Variants in PCDHA12 observed in about 807,000 individuals in gnomAD.
PCDHA12 encodes the protein protocadherin alpha 12.
A neutral mutation model predicts 60.0 loss-of-function variants in PCDHA12; 44 were observed. The observed-to-expected ratio is 0.73, with a 90% CI of 0.58 to 0.94. The LOEUF (loss-of-function observed/expected upper bound fraction) is 0.94, where lower values mean the gene tolerates loss of function less well. PCDHA12 is among the 40% of genes least tolerant of loss of function. The probability of loss-of-function intolerance (pLI) is 0.00; values close to 1 mark genes in which losing one functional copy is unlikely to be tolerated. For missense variants in PCDHA12, 1,276 were observed against 1,239.7 expected (o/e 1.03, Z -0.44); for synonymous variants, 569 against 553.0 (o/e 1.03, Z -0.40).
intron 1 of PCDHA12, among the ~76,000 whole-genome samples, chr5:140,899,359 T>C (rs1247414230): frequency 6.6e-6 from 1 of 152,116 alleles, no homozygotes; most frequent in Non-Finnish European, 1.5e-5. Context: ...TTTTGAGATA[T>C]GTCCCATCAA....
Position 140,923,994 on chromosome 5 carries a change from C to T in PCDHA12, c.2367+46155C>T, listed in dbSNP as rs147193427. ...ACATACTATCCCTCTAGGTGCAGCT[C>T]AGAATTCCTAAACCTGGTATAATTG... On this transcript the variant is annotated intron_variant, in intron 1 of 3. Transcript: ENST00000398631. Among the ~76,000 whole-genome samples the T allele has an allele frequency of 8.1e-3, 1,228 of 152,292 alleles. 6 individuals are homozygous for T. The highest frequency in any genetic ancestry group is 0.019 in the African/African-American group (795 of 41,560).
chr5:140,917,231 A>G (rs2077963769), intron 1 of PCDHA12, among the ~76,000 whole-genome samples: 1 of 151,360 alleles, frequency 6.6e-6, no homozygotes, highest in Admixed American at 6.6e-5. Context: ...TACGTTGTTA[A>G]ATCTAGGTAC....
At chr5:140,969,819 A>G (rs2096362307) in intron 1 of PCDHA12, among the ~76,000 whole-genome samples, 1 of 152,168 alleles carries the variant, frequency 6.6e-6, no homozygotes, top group African/African-American at 2.4e-5. Context: ...TATACTCTGG[A>G]CTGTCTACAG....
chr5:140,942,701 G>T (rs2093357342), intron 1 of PCDHA12, among the ~76,000 whole-genome samples: 1 of 152,080 alleles, frequency 6.6e-6, no homozygotes, highest in Non-Finnish European at 1.5e-5. Flanking sequence ...TGAGAAATAT[G>T]AAGTAAAAGT....
intron 3 of PCDHA12, among the ~76,000 whole-genome samples, chr5:140,996,928 G>A (rs114173550): frequency 6.6e-6 from 1 of 152,032 alleles, no homozygotes; most frequent in African/African-American, 2.4e-5. Flanking sequence ...AAAAAATATA[G>A]CATTTTTGCA....
intron 1 of PCDHA12, among the ~76,000 whole-genome samples, chr5:140,891,953 T>G (rs1056816293): frequency 6.6e-6 from 1 of 152,238 alleles, no homozygotes; most frequent in African/African-American, 2.4e-5. Flanking sequence ...GCTCCAGAAT[T>G]GTGAGAAGTA....
rs941007574 is a variant in PCDHA12, at chr5:141,010,090, C to T, written c.*153C>T. 1.9e-6 allele frequency: 3 copies of T among 1,612,518 alleles called. No individual in the cohort carries two copies. Among genetic ancestry groups the T allele is most frequent in the Non-Finnish European group, 2.5e-6 (3 of 1,179,284 alleles). ...AAGTTCCCTGTGTCTGTCTAGAACG[C>T]ATTTAACAGGTTTTGTCGTAAAAGC... is the stretch of plus-strand genomic sequence containing the variant. On this transcript the variant is annotated 3_prime_UTR_variant, in exon 4 of 4. Coordinates refer to ENST00000398631, the MANE Select transcript of PCDHA12 (RefSeq NM_018903.4).
chr5:140,944,464 G>T (rs2093661298), intron 1 of PCDHA12, among the ~76,000 whole-genome samples: 1 of 152,158 alleles, frequency 6.6e-6, no homozygotes, highest in African/African-American at 2.4e-5. Context: ...TGGGATTACA[G>T]GTATGAGGCA....
At chr5:140,882,327 T>C in intron 1 of PCDHA12, 1 of 1,614,172 alleles carries the variant, frequency 6.2e-7, no homozygotes, top group Non-Finnish European at 8.5e-7. Flanking sequence ...TGGCTTCTGA[T>C]CCTCGCAGCC....
intron 1 of PCDHA12, among the ~76,000 whole-genome samples, chr5:140,974,337 T>TA (rs2096623719): frequency 6.6e-6 from 1 of 152,214 alleles, no homozygotes; most frequent in Admixed American, 6.5e-5. Context: ...GCTAGCAGGC[T>TA]ATGCATCCAG....
intron 1 of PCDHA12, among the ~76,000 whole-genome samples, chr5:140,894,013 T>G (rs1161643824): frequency 1.3e-5 from 2 of 152,232 alleles, no homozygotes; most frequent in African/African-American, 4.8e-5. Flanking sequence ...TGGTTCAAAT[T>G]ACCAGTTCTG....
intron 2 of PCDHA12, among the ~76,000 whole-genome samples, chr5:140,979,611 C>T (rs549836811): frequency 5.9e-5 from 9 of 152,266 alleles, no homozygotes; most frequent in South Asian, 2.1e-4. Flanking sequence ...CCTAGAGTAA[C>T]GGTATTAGTC....
intron 3 of PCDHA12, among the ~76,000 whole-genome samples, chr5:141,007,748 T>C (rs188910603): frequency 1.3e-3 from 195 of 152,298 alleles, no homozygotes; most frequent in African/African-American, 4.4e-3. Context: ...GAAGATAACT[T>C]TGGACTCTTA....
rs1234453098 is a variant in PCDHA12, at chr5:141,010,058, C to A, written c.*121C>A. 2 of 1,600,982 alleles carry A rather than the reference C, an allele frequency of 1.2e-6. No homozygotes were observed. The highest frequency in any genetic ancestry group is 1.7e-6 in the Non-Finnish European group (2 of 1,173,736). Reference sequence around the variant, plus strand: ...GAGCCCTCTTAGAGACCTCAGAAATCTGCAGAAAGTTCCCTGTGTCTGTCT... The same window carrying A: ...GAGCCCTCTTAGAGACCTCAGAAATATGCAGAAAGTTCCCTGTGTCTGTCT... On this transcript the variant is annotated 3_prime_UTR_variant, in exon 4 of 4. Transcript: ENST00000398631.
chr5:140,884,598 C>T (rs782317237), intron 1 of PCDHA12: 4 of 1,614,108 alleles, frequency 2.5e-6, no homozygotes. Flanking sequence ...CCCAGCCTTC[C>T]TCCTTGTCTG....
chr5:140,978,978 C>T lies in PCDHA12; in HGVS notation c.2397C>T (p.Tyr799=). Residue 799 remains tyrosine (Y), a synonymous_variant, in exon 2 of 4, where the codon TAC becomes TAT. Coordinates refer to ENST00000398631, the MANE Select transcript of PCDHA12 (RefSeq NM_018903.4). ...EPRQPNPDWR[Y]SASLRAGMHS... ...GACAGCCCAACCCTGACTGGCGTTA[C>T]TCTGCCTCCCTGAGAGCAGGCATGC... 1 of 1,614,204 alleles carries T rather than the reference C, an allele frequency of 6.2e-7. No homozygotes were observed. The highest frequency in any genetic ancestry group is 8.5e-7 in the Non-Finnish European group (1 of 1,180,030).
chr5:140,961,155 G>A (rs1214072320), intron 1 of PCDHA12, among the ~76,000 whole-genome samples: 2 of 152,126 alleles, frequency 1.3e-5, no homozygotes, highest in Non-Finnish European at 2.9e-5. Context: ...TATTATTTCA[G>A]TACATATCTA....
intron 1 of PCDHA12, among the ~76,000 whole-genome samples, chr5:140,936,450 T>C (rs1217629620): frequency 6.6e-6 from 1 of 152,234 alleles, no homozygotes; most frequent in Non-Finnish European, 1.5e-5. Context: ...TAACCACATC[T>C]GTTTAGTGGT....
chr5:140,976,888 A>G (rs1050816491), intron 1 of PCDHA12, among the ~76,000 whole-genome samples: 1 of 152,218 alleles, frequency 6.6e-6, no homozygotes, highest in African/African-American at 2.4e-5. Context: ...ATTAGGATAC[A>G]TGCAACAGTA....
Sources: gnomAD v4.1 joint callset for allele counts (sites outside exome capture counted in the v4.1 genomes callset) on GRCh38, gnomAD v4.1.1 for gene constraint, MANE v1.5 for transcripts, NCBI Gene and HGNC (gene_info 2026-07-23, HGNC 2026-07-21) for gene names.